MRTFB: variants seen among roughly 807,000 people sequenced by gnomAD.
MRTFB encodes myocardin related transcription factor B.
A neutral mutation model predicts 104.2 loss-of-function variants in MRTFB; 29 were observed. The ratio of observed to expected loss-of-function variants is 0.28; its 90% CI spans 0.21 to 0.38. The LOEUF is 0.38. Ranked by LOEUF, MRTFB falls within the 10% of genes least tolerant of loss-of-function variation. The pLI is 1.00. For missense variants in MRTFB, 1,270 were observed against 1,341.6 expected, an observed-to-expected ratio of 0.95 and a Z score of 0.83; for synonymous variants, 535 against 519.5, an observed-to-expected ratio of 1.03 and a Z score of -0.41.
rs977270593 is a variant in MRTFB at position 14,195,663 on chromosome 16, G to A, written c.155-14580G>A. 10 of 623,130 alleles carry A rather than the reference G, an allele frequency of 1.6e-5. No homozygotes were observed. The Admixed American group carries it at 3.2e-4, about 20-fold the overall frequency. The allele number at this position is 623,130 out of a possible 1,614,324, so 38.6% of individuals were successfully genotyped here. A position where few individuals can be genotyped will look rare whatever the true frequency, so the allele number is the denominator to read the frequency against. On this transcript the variant is annotated intron_variant, in intron 3 of 16. Transcript: ENST00000571589. ...CTTTTATTCAGAGAGCCCACCTTAC[G>A]CATTTGTATTAAGAAACATGAGAAC...
intron 2 of MRTFB, among the ~76,000 whole-genome samples, chr16:14,095,542 G>A (rs1212646316): frequency 1.3e-5 from 2 of 152,184 alleles, no homozygotes; most frequent in Non-Finnish European, 2.9e-5. Flanking sequence ...AAAAGAAAGG[G>A]CAATAATTGG....
chr16:14,197,741 G>C (rs34183481), intron 3 of MRTFB, among the ~76,000 whole-genome samples: 1 of 152,062 alleles, frequency 6.6e-6, no homozygotes, highest in Non-Finnish European at 1.5e-5. Flanking sequence ...GATATCTAGC[G>C]TGCAGTGTGA....
At position 14,251,869 on chromosome 16, in the gene MRTFB, C is replaced by A. The variant is rs1394207262; in HGVS notation, c.2411C>A (p.Thr804Lys). ...AACATTTATTCATTACAGGTTTTCACAAACTCAGCATCATCAAATACAGTT... is the reference window on the plus strand; with the variant it reads ...AACATTTATTCATTACAGGTTTTCAAAAACTCAGCATCATCAAATACAGTT... Reference protein sequence around the residue: ...SQPQQVRKVFTNSASSNTVLP... With the variant: ...SQPQQVRKVFKNSASSNTVLP... Residue 804 changes from threonine to lysine, a missense_variant, in exon 14 of 17, where the codon ACA (threonine) becomes AAA (lysine). By Grantham distance (78) the Thr-to-Lys change is moderately conservative. Transcript: ENST00000571589. 2.5e-6 allele frequency: 4 copies of A among 1,613,722 alleles called. No individual in the cohort carries two copies. The highest frequency in any genetic ancestry group is 3.4e-6 in the Non-Finnish European group (4 of 1,179,882).
intron 3 of MRTFB, among the ~76,000 whole-genome samples, chr16:14,174,560 GT>G (rs2150984311): frequency 1.3e-5 from 2 of 152,162 alleles, no homozygotes; most frequent in East Asian, 3.9e-4. Flanking sequence ...GCGCACACCT[GT>G]AATCCCAGCT....
At position 14,203,659 on chromosome 16, in the gene MRTFB, C is replaced by T. The variant is rs1423529504; in HGVS notation, c.155-6584C>T. 2.6e-5 allele frequency among the ~76,000 whole-genome samples: 4 copies of T among 151,568 alleles called. 1 individual carries two copies. The highest frequency in any genetic ancestry group is 5.9e-5 in the Non-Finnish European group (4 of 67,906). ...TCTATTAAAAATACAACAGATTAGC[C>T]GGGCATGGTGGTACACAACTTGTAA... is the stretch of plus-strand genomic sequence containing the variant. On this transcript the variant is annotated intron_variant, in intron 3 of 16. Coordinates refer to ENST00000571589, the MANE Select transcript of MRTFB (RefSeq NM_001308142.2).
chr16:14,246,638 G>A lies in MRTFB; in HGVS notation c.1378G>A (p.Glu460Lys), dbSNP rs761518421. 6.2e-7 allele frequency: 1 copy of A among 1,614,042 alleles called. No individual in the cohort carries two copies. The highest frequency in any genetic ancestry group is 8.5e-7 in the Non-Finnish European group (1 of 1,180,038). ...SSSAIVTSNP[E>K]VTVALPVTTL... is the part of the protein sequence containing the mutation. Reference sequence around the variant, plus strand: ...ATCAGCCATTGTCACCAGTAACCCAGAAGTCACTGTGGCCTTGCCGGTTAC... The same window carrying A: ...ATCAGCCATTGTCACCAGTAACCCAAAAGTCACTGTGGCCTTGCCGGTTAC... The change falls in exon 12 of 17, where the codon GAA becomes AAA. Residue 460 changes from glutamate to lysine, a missense_variant. Physicochemically the swap from Glu to Lys is moderately conservative, Grantham distance 56. Coordinates refer to ENST00000571589, the MANE Select transcript of MRTFB (RefSeq NM_001308142.2).
At chr16:14,087,595 A>G (rs1006777035) in intron 2 of MRTFB, among the ~76,000 whole-genome samples, 3 of 152,236 alleles carry the variant, frequency 2.0e-5, no homozygotes, top group Non-Finnish European at 4.4e-5. Flanking sequence ...GAGGACGCCT[A>G]GTTCAAGGTG....
intron 3 of MRTFB, among the ~76,000 whole-genome samples, chr16:14,156,722 A>G (rs2038841621): frequency 6.6e-6 from 1 of 152,214 alleles, no homozygotes; most frequent in Admixed American, 6.5e-5. Flanking sequence ...TTTCTCTTAT[A>G]GAAATATTGA....
At chr16:14,215,628 T>C (rs989396670) in intron 6 of MRTFB, among the ~76,000 whole-genome samples, 2 of 152,254 alleles carry the variant, frequency 1.3e-5, no homozygotes, top group African/African-American at 4.8e-5. Context: ...CATTGAAATA[T>C]CAACCTGAGA....
intron 2 of MRTFB, among the ~76,000 whole-genome samples, chr16:14,125,122 C>A (rs1425919106): frequency 6.6e-6 from 1 of 152,188 alleles, no homozygotes; most frequent in Non-Finnish European, 1.5e-5. Flanking sequence ...TTCACTAGTG[C>A]AGTAATAATG....
At chr16:13,998,409 CTT>C in the MRTFB span, among the ~76,000 whole-genome samples, 1 of 152,224 alleles carries the variant, frequency 6.6e-6, no homozygotes, top group South Asian at 2.1e-4. Flanking sequence ...AATCCCAACA[CTT>C]TGGGAGGCAG....
the MRTFB span, among the ~76,000 whole-genome samples, chr16:14,063,272 C>T: frequency 6.6e-6 from 1 of 152,208 alleles, no homozygotes; most frequent in Admixed American, 6.5e-5. Flanking sequence ...CCTCCATGTG[C>T]TCGGGGTGCA....
chr16:14,234,076 G>A (rs2042388916), intron 8 of MRTFB, 70 bp from the exon 9 acceptor site: 1 of 1,565,446 alleles, frequency 6.4e-7, no homozygotes, highest in Admixed American at 1.8e-5. Flanking sequence ...TCATTCCCTT[G>A]TAATTCTAAT....
At chr16:14,165,963 A>G (rs1250662304) in intron 3 of MRTFB, among the ~76,000 whole-genome samples, 1 of 152,240 alleles carries the variant, frequency 6.6e-6, no homozygotes, top group Admixed American at 6.5e-5. Flanking sequence ...GCATTTGTGC[A>G]GTGAGAGCCA....
the MRTFB span, among the ~76,000 whole-genome samples, chr16:14,025,156 C>T: frequency 6.6e-6 from 1 of 152,294 alleles, no homozygotes; most frequent in South Asian, 2.1e-4. Flanking sequence ...GGGCAGTAAA[C>T]AGCCAGCCAT....
At chr16:14,020,746 C>G in the MRTFB span, among the ~76,000 whole-genome samples, 7 of 152,178 alleles carry the variant, frequency 4.6e-5, no homozygotes, top group African/African-American at 1.7e-4. Flanking sequence ...GCCAATGAGC[C>G]CTTAACCCTT....
intron 3 of MRTFB, 58 bp downstream of exon 3, chr16:14,140,818 C>G: frequency 6.3e-7 from 1 of 1,597,858 alleles, no homozygotes; most frequent in Non-Finnish European, 8.6e-7. Context: ...CTTTGGGAGC[C>G]CAGTTTATTC....
At chr16:14,246,412 C>T (rs1367880278) in intron 11 of MRTFB, 61 bp from the exon 12 acceptor site, 3 of 1,535,490 alleles carry the variant, frequency 2.0e-6, no homozygotes, top group Admixed American at 1.8e-5. Flanking sequence ...ATCACAAAAG[C>T]GTACTGTAGA....
chr16:14,192,200 C>T (rs951489693), intron 3 of MRTFB, among the ~76,000 whole-genome samples: 20 of 149,850 alleles, frequency 1.3e-4, no homozygotes, highest in Non-Finnish European at 2.5e-4. Flanking sequence ...AGCAAGACTC[C>T]GTCTCTACAA....
Sources: gnomAD v4.1 joint callset for allele counts (sites outside exome capture counted in the v4.1 genomes callset) on GRCh38, gnomAD v4.1.1 for gene constraint, MANE v1.5 for transcripts, NCBI Gene and HGNC (gene_info 2026-07-23, HGNC 2026-07-21) for gene names.